TASP1: variants seen among roughly 807,000 people sequenced by gnomAD.
TASP1 encodes threonine aspartase 1.
TASP1 carries 16 observed loss-of-function variants against 56.6 expected under a neutral mutation model. The ratio of observed to expected loss-of-function variants is 0.28; its 90% CI spans 0.19 to 0.43. The LOEUF (loss-of-function observed/expected upper bound fraction) is 0.43. TASP1 is among the 20% of genes least tolerant of loss of function. The probability of loss-of-function intolerance (pLI) is 1.00; values close to 1 mark genes in which losing one functional copy is unlikely to be tolerated. For synonymous variants in TASP1, 179 were observed against 184.2 expected (o/e 0.97, Z 0.23); for missense variants, 393 against 511.6 (o/e 0.77, Z 2.24).
the TASP1 span, among the ~76,000 whole-genome samples, chr20:13,192,643 C>T: frequency 2.0e-5 from 3 of 152,114 alleles, no homozygotes; most frequent in South Asian, 4.1e-4. Context: ...AAGGGATTCA[C>T]TCACCTCACC....
At chr20:13,461,725 G>T (rs1320052657) in intron 11 of TASP1, among the ~76,000 whole-genome samples, 3 of 152,124 alleles carry the variant, frequency 2.0e-5, no homozygotes, top group Admixed American at 6.6e-5. Context: ...GAACCTGCAG[G>T]CCATAGTTTG....
At chr20:13,496,556 A>G (rs985382797) in intron 10 of TASP1, among the ~76,000 whole-genome samples, 1 of 152,042 alleles carries the variant, frequency 6.6e-6, no homozygotes, top group African/African-American at 2.4e-5. Flanking sequence ...CTCATAAAAG[A>G]TGTATTCAAG....
chr20:13,565,241 T>C (rs1328646907), intron 7 of TASP1, among the ~76,000 whole-genome samples: 2 of 151,828 alleles, frequency 1.3e-5, no homozygotes, highest in African/African-American at 2.4e-5. Context: ...AAAAAATTAA[T>C]TCAAAATGGA....
the TASP1 span, among the ~76,000 whole-genome samples, chr20:13,178,046 C>T: frequency 6.6e-6 from 1 of 152,024 alleles, no homozygotes; most frequent in Admixed American, 6.6e-5. Flanking sequence ...GGAACTCAGA[C>T]ATTTCAACAA....
the TASP1 span, among the ~76,000 whole-genome samples, chr20:13,352,728 G>A: frequency 6.6e-6 from 1 of 152,168 alleles, no homozygotes; most frequent in African/African-American, 2.4e-5. Context: ...AAGTAATGAT[G>A]CTGTCTCTCA....
intron 6 of TASP1, among the ~76,000 whole-genome samples, chr20:13,571,000 C>A (rs1430466911): frequency 6.6e-6 from 1 of 152,166 alleles, no homozygotes; most frequent in Non-Finnish European, 1.5e-5. Context: ...ATTCTCAGCA[C>A]TCCCATTGGT....
chr20:13,584,003 C>A (rs1345513505), intron 5 of TASP1, among the ~76,000 whole-genome samples: 2 of 152,112 alleles, frequency 1.3e-5, no homozygotes, highest in African/African-American at 4.8e-5. Context: ...CACTTGAACC[C>A]AAGAGGCAGA....
chr20:13,450,190 A>G (rs2043565051), intron 11 of TASP1, among the ~76,000 whole-genome samples: 1 of 152,134 alleles, frequency 6.6e-6, no homozygotes. Flanking sequence ...TATTGCAAAA[A>G]TGCTAATGAT....
chr20:13,284,890 A>G, the TASP1 span, among the ~76,000 whole-genome samples: 1 of 152,258 alleles, frequency 6.6e-6, no homozygotes, highest in Non-Finnish European at 1.5e-5. Flanking sequence ...ACTTACTGCA[A>G]TAATAAATCC....
At chr20:13,194,380 T>C in the TASP1 span, among the ~76,000 whole-genome samples, 7 of 152,318 alleles carry the variant, frequency 4.6e-5, no homozygotes, top group East Asian at 1.4e-3. Flanking sequence ...CATTCTAGGA[T>C]GACTTAGGGC....
At chr20:13,612,619 T>C (rs1003983413) in intron 4 of TASP1, among the ~76,000 whole-genome samples, 9 of 151,952 alleles carry the variant, frequency 5.9e-5, no homozygotes, top group African/African-American at 1.7e-4. Context: ...AAAATAATTA[T>C]AGGATAATGA....
chr20:13,583,781 T>G (rs1247755645), intron 5 of TASP1, among the ~76,000 whole-genome samples: 1 of 152,194 alleles, frequency 6.6e-6, no homozygotes, highest in Non-Finnish European at 1.5e-5. Context: ...CTAAATGATT[T>G]AAAATATGTA....
chr20:13,207,588 G>A, the TASP1 span, among the ~76,000 whole-genome samples: 1 of 152,198 alleles, frequency 6.6e-6, no homozygotes, highest in Non-Finnish European at 1.5e-5. Flanking sequence ...AGCTGATGGT[G>A]TACGTCCCAG....
At chr20:13,527,511 C>A (rs6042201) in intron 10 of TASP1, among the ~76,000 whole-genome samples, 4 of 152,198 alleles carry the variant, frequency 2.6e-5, no homozygotes, top group East Asian at 1.9e-4. Flanking sequence ...AAAGGCTTCA[C>A]GTACATCTGG....
intron 11 of TASP1, among the ~76,000 whole-genome samples, chr20:13,441,592 G>A (rs1440812339): frequency 1.3e-5 from 2 of 152,212 alleles, no homozygotes; most frequent in Admixed American, 6.5e-5. Context: ...TCAGGGAAGA[G>A]AGGATAGAAC....
At chr20:13,371,673 T>C in the TASP1 span, among the ~76,000 whole-genome samples, 1 of 152,190 alleles carries the variant, frequency 6.6e-6, no homozygotes, top group Non-Finnish European at 1.5e-5. Flanking sequence ...GCTTTGTGTA[T>C]ACTGTTGTTC....
intron 10 of TASP1, among the ~76,000 whole-genome samples, chr20:13,523,030 G>A (rs1020653458): frequency 2.6e-5 from 4 of 152,238 alleles, no homozygotes; most frequent in East Asian, 1.9e-4. Flanking sequence ...TGTTAATCTT[G>A]ACAAGAACAG....
At position 13,530,447 on chromosome 20, in the gene TASP1, A is replaced by T. The variant is rs561967062; in HGVS notation, c.796-1936T>A. Among the ~76,000 whole-genome samples the T allele has an allele frequency of 3.3e-5, 5 of 152,332 alleles. No homozygotes were observed. The East Asian group carries it at 7.7e-4, about 23-fold the overall frequency. ...ATAAATAAACTGGCAGACTTGTGGGATAACTATTCAACTGGTACTCCCTGA... is the reference window on the plus strand; with the variant it reads ...ATAAATAAACTGGCAGACTTGTGGGTTAACTATTCAACTGGTACTCCCTGA... On this transcript the variant is annotated intron_variant, in intron 9 of 13. Coordinates refer to ENST00000337743, the MANE Select transcript of TASP1 (RefSeq NM_017714.3).
At chr20:13,138,310 T>G in the TASP1 span, among the ~76,000 whole-genome samples, 35 of 152,248 alleles carry the variant, frequency 2.3e-4, no homozygotes, top group African/African-American at 8.4e-4. Flanking sequence ...GCAGGCAGCT[T>G]TTCCTCTATC....
Sources: gnomAD v4.1 joint callset for allele counts (sites outside exome capture counted in the v4.1 genomes callset) on GRCh38, gnomAD v4.1.1 for gene constraint, MANE v1.5 for transcripts, NCBI Gene and HGNC (gene_info 2026-07-23, HGNC 2026-07-21) for gene names.